The following SAMMSON variants were observed in gnomAD, a reference collection of about 807,000 sequenced individuals.
SAMMSON encodes long intergenic non-protein coding RNA 1212.
intron 4 of SAMMSON, among the ~76,000 whole-genome samples, chr3:70,245,714 T>TATATATATATAC (rs1553648300): frequency 8.1e-6 from 1 of 123,948 alleles, no homozygotes; most frequent in Non-Finnish European, 1.7e-5. Flanking sequence ...TATATATATA[T>TATATATATATAC]ACACATTCAA....
chr3:70,108,985 T>C (rs186038086), intron 4 of SAMMSON, among the ~76,000 whole-genome samples: 217 of 152,252 alleles, frequency 1.4e-3, no homozygotes, highest in Non-Finnish European at 2.8e-3. Flanking sequence ...TATCTAAGAT[T>C]TTAAACCCTT....
intron 7 of SAMMSON, among the ~76,000 whole-genome samples, chr3:70,332,077 G>T (rs1297534048): frequency 6.6e-6 from 1 of 152,160 alleles, no homozygotes; most frequent in Non-Finnish European, 1.5e-5. Context: ...TTTGAGTGTG[G>T]CTTTCTCTTT....
intron 3 of SAMMSON, among the ~76,000 whole-genome samples, chr3:70,018,166 C>G (rs1166072220): frequency 6.6e-6 from 1 of 152,092 alleles, no homozygotes; most frequent in East Asian, 1.9e-4. Flanking sequence ...ATGGTACCAG[C>G]TCCTTCTTGT....
intron 3 of SAMMSON, among the ~76,000 whole-genome samples, chr3:70,064,233 A>G (rs2067201169): frequency 6.6e-6 from 1 of 152,148 alleles, no homozygotes; most frequent in Non-Finnish European, 1.5e-5. Flanking sequence ...TCAGAAGGAA[A>G]ATGCCCTGTG....
intron 9 of SAMMSON, among the ~76,000 whole-genome samples, chr3:70,381,573 T>G (rs1467018103): frequency 1.3e-5 from 2 of 152,152 alleles, no homozygotes; most frequent in Non-Finnish European, 2.9e-5. Flanking sequence ...AGATTTTATG[T>G]GCTTCCTGAT....
At chr3:70,406,230 C>T (rs1446812480) in intron 2 of SAMMSON, among the ~76,000 whole-genome samples, 1 of 152,134 alleles carries the variant, frequency 6.6e-6, no homozygotes, top group Non-Finnish European at 1.5e-5. Flanking sequence ...CTACTACTAA[C>T]TTTTCATCAG....
chr3:70,290,920 G>A (rs1252899074), intron 6 of SAMMSON, among the ~76,000 whole-genome samples: 1 of 152,112 alleles, frequency 6.6e-6, no homozygotes, highest in East Asian at 1.9e-4. Context: ...GCTTCGGATG[G>A]CGCACGGTGC....
At chr3:70,413,518 CAGAGT>C (rs772761942) in intron 2 of SAMMSON, among the ~76,000 whole-genome samples, 23 of 152,064 alleles carry the variant, frequency 1.5e-4, no homozygotes, top group Middle Eastern at 3.2e-3. Flanking sequence ...AAAATGTACG[CAGAGT>C]AATCAAAATA....
intron 4 of SAMMSON, among the ~76,000 whole-genome samples, chr3:70,243,435 C>G (rs1415527200): frequency 6.6e-6 from 1 of 152,166 alleles, no homozygotes; most frequent in Non-Finnish European, 1.5e-5. Flanking sequence ...CTGCACTGCT[C>G]TCTTTCTTTC....
chr3:70,293,511 C>A (rs550029307), intron 7 of SAMMSON, among the ~76,000 whole-genome samples: 2 of 152,078 alleles, frequency 1.3e-5, no homozygotes, highest in South Asian at 2.1e-4. Flanking sequence ...TGTGATGTTG[C>A]CTATATTTCT....
At chr3:70,235,457 A>C (rs912069909) in intron 4 of SAMMSON, among the ~76,000 whole-genome samples, 1 of 152,214 alleles carries the variant, frequency 6.6e-6, no homozygotes, top group South Asian at 2.1e-4. Flanking sequence ...GTGATAATAC[A>C]TGCTAGGTGC....
At chr3:70,021,991 T>G (rs1006215325) in intron 3 of SAMMSON, among the ~76,000 whole-genome samples, 4 of 152,162 alleles carry the variant, frequency 2.6e-5, no homozygotes, top group African/African-American at 9.6e-5. Context: ...TAAACCTGTT[T>G]AGGCACCAGA....
intron 9 of SAMMSON, among the ~76,000 whole-genome samples, chr3:70,384,888 T>C (rs1405648133): frequency 6.6e-6 from 1 of 152,108 alleles, no homozygotes; most frequent in Admixed American, 6.6e-5. Context: ...TCCAGTAAGG[T>C]AGTCACTAGC....
intron 2 of SAMMSON, among the ~76,000 whole-genome samples, chr3:70,409,123 TAGG>T (rs973257832): frequency 7.9e-5 from 12 of 152,284 alleles, no homozygotes; most frequent in Non-Finnish European, 1.8e-4. Context: ...ATGGGAATTA[TAGG>T]AGTACAACTC....
At chr3:70,317,045 T>C (rs1159167644) in intron 7 of SAMMSON, among the ~76,000 whole-genome samples, 4 of 152,052 alleles carry the variant, frequency 2.6e-5, no homozygotes, top group Non-Finnish European at 5.9e-5. Flanking sequence ...GCATCCTTAA[T>C]ATAGTTCACA....
At chr3:70,023,510 GT>G (rs1370179327) in intron 3 of SAMMSON, among the ~76,000 whole-genome samples, 4 of 151,742 alleles carry the variant, frequency 2.6e-5, no homozygotes, top group Non-Finnish European at 4.4e-5. Flanking sequence ...TTTATAATAT[GT>G]TTCCTTTATT....
chr3:69,999,962 G>A (rs2066899291), intron 1 of SAMMSON: 1 of 152,194 alleles, frequency 6.6e-6, no homozygotes, highest in South Asian at 2.1e-4. Context: ...CCCCATCACC[G>A]GAGAGCTACT....
chr3:70,376,240 G>C (rs748226531), intron 9 of SAMMSON, among the ~76,000 whole-genome samples: 2 of 152,094 alleles, frequency 1.3e-5, no homozygotes, highest in African/African-American at 4.8e-5. Flanking sequence ...GAGAATTCAC[G>C]GAAAATTTCC....
At chr3:70,375,893 T>C (rs1703010343) in intron 9 of SAMMSON, among the ~76,000 whole-genome samples, 1 of 152,174 alleles carries the variant, frequency 6.6e-6, no homozygotes, top group Admixed American at 6.6e-5. Flanking sequence ...CTAAACTGTT[T>C]TGGGTAGTTC....
Sources: gnomAD v4.1 joint callset for allele counts (sites outside exome capture counted in the v4.1 genomes callset) on GRCh38, gnomAD v4.1.1 for gene constraint, MANE v1.5 for transcripts, NCBI Gene and HGNC (gene_info 2026-07-23, HGNC 2026-07-21) for gene names.